SEC23IP: variants seen among roughly 807,000 people sequenced by gnomAD.
SEC23IP encodes the protein SEC23-interacting protein.
In SEC23IP, 70 loss-of-function variants were observed where a neutral mutation model predicts 113.4. The observed-to-expected ratio is 0.62, with a 90% CI of 0.51 to 0.75. The LOEUF (loss-of-function observed/expected upper bound fraction) is 0.75. SEC23IP is among the 30% of genes least tolerant of loss of function. SEC23IP has a pLI of 0.00. For missense variants in SEC23IP, 1,160 were observed against 1,204.9 expected (o/e 0.96, Z 0.55); for synonymous variants, 398 against 421.0 (o/e 0.95, Z 0.67).
intron 13 of SEC23IP, among the ~76,000 whole-genome samples, chr10:119,927,725 T>C (rs538789846): frequency 6.6e-6 from 1 of 152,362 alleles, no homozygotes; most frequent in African/African-American, 2.4e-5. Flanking sequence ...AACATAAATG[T>C]TTTGTGAGGA....
chr10:119,929,668 C>T lies in SEC23IP; in HGVS notation c.2375C>T (p.Pro792Leu), dbSNP rs759344772. The change falls in exon 14 of 19, where the codon CCA (proline) becomes CTA (leucine). Residue 792 changes from proline (P) to leucine (L), a missense_variant. By Grantham distance (98) the Pro-to-Leu change is moderately conservative. Coordinates refer to ENST00000369075, the MANE Select transcript of SEC23IP (RefSeq NM_007190.4). Reference sequence around the variant, plus strand: ...GAGATATTCTTTGCCTTGGGGTCTCCAATTGCTATGTTTCTCACTATTCGA... The same window carrying T: ...GAGATATTCTTTGCCTTGGGGTCTCTAATTGCTATGTTTCTCACTATTCGA... ...EPEIFFALGSPIAMFLTIRGV... is the reference protein window; with the variant it reads ...EPEIFFALGSLIAMFLTIRGV... 1.2e-6 allele frequency: 2 copies of T among 1,606,828 alleles called. No homozygotes were observed. Among genetic ancestry groups the T allele is most frequent in the Non-Finnish European group, 1.7e-6 (2 of 1,173,408 alleles).
chr10:119,922,844 A>G (rs527442743), intron 12 of SEC23IP, among the ~76,000 whole-genome samples: 4 of 152,094 alleles, frequency 2.6e-5, no homozygotes, highest in Non-Finnish European at 4.4e-5. Context: ...CCTCACAACA[A>G]CCCTGTGAGT....
At chr10:119,937,165 G>A (rs557553022) in intron 18 of SEC23IP, among the ~76,000 whole-genome samples, 78 of 151,880 alleles carry the variant, frequency 5.1e-4, no homozygotes, top group African/African-American at 1.8e-3. Flanking sequence ...GTGAGCCACC[G>A]TGCCCGGCCA....
At chr10:119,934,490 C>T (rs536295445) in intron 18 of SEC23IP, among the ~76,000 whole-genome samples, 12 of 152,326 alleles carry the variant, frequency 7.9e-5, no homozygotes, top group Non-Finnish European at 1.5e-4. Flanking sequence ...GGTCAGCTGA[C>T]GTGCAGCTCA....
intron 6 of SEC23IP, 96 bp downstream of exon 6, chr10:119,912,260 G>T (rs182733316): frequency 3.1e-6 from 4 of 1,298,130 alleles, no homozygotes; most frequent in Admixed American, 4.3e-5. Flanking sequence ...TTATTAGAAT[G>T]CCCTGCCACA....
chr10:119,893,248 G>T (rs1415510316), intron 1 of SEC23IP, among the ~76,000 whole-genome samples: 2 of 152,156 alleles, frequency 1.3e-5, no homozygotes, highest in African/African-American at 4.8e-5. Context: ...GTGCTGGCAG[G>T]AAATGCAAAT....
chr10:119,923,394 A>G (rs1045849517), intron 12 of SEC23IP, among the ~76,000 whole-genome samples: 19 of 151,992 alleles, frequency 1.3e-4, no homozygotes, highest in African/African-American at 4.6e-4. Flanking sequence ...AATGGGACCA[A>G]AATTAGCGAT....
rs182399150 is a variant in SEC23IP, at chr10:119,910,651, A to G, written c.1192-1393A>G. On this transcript the variant is annotated intron_variant, in intron 5 of 18. Coordinates refer to ENST00000369075, the MANE Select transcript of SEC23IP (RefSeq NM_007190.4). ...AAAGCCTCCTATCTCTGCCTTCCTCATTTCTCCTCTCCATAGTAACCACTC... is the reference window on the plus strand; with the variant it reads ...AAAGCCTCCTATCTCTGCCTTCCTCGTTTCTCCTCTCCATAGTAACCACTC... Among the ~76,000 whole-genome samples the G allele has an allele frequency of 1.0e-3, 152 of 152,132 alleles. 2 individuals carry two copies. Among genetic ancestry groups the G allele is most frequent in the South Asian group, 2.9e-3 (14 of 4,814 alleles).
intron 13 of SEC23IP, 88 bp from the exon 14 acceptor site, chr10:119,929,519 C>T: frequency 8.8e-7 from 1 of 1,141,720 alleles, no homozygotes; most frequent in South Asian, 1.4e-5. Context: ...CAGGCATGAG[C>T]CACCACGCCC....
intron 18 of SEC23IP, among the ~76,000 whole-genome samples, chr10:119,935,859 C>T (rs761600555): frequency 2.6e-5 from 4 of 152,272 alleles, no homozygotes; most frequent in East Asian, 3.9e-4. Flanking sequence ...TTTGAGCAAG[C>T]GAGCCAGGTG....
intron 2 of SEC23IP, among the ~76,000 whole-genome samples, chr10:119,901,023 CT>C (rs34703745): frequency 1.5e-3 from 116 of 78,540 alleles, no homozygotes; most frequent in Middle Eastern, 9.3e-3. Context: ...TTTTCTTCTT[CT>C]TTTTTTTTTT....
chr10:119,924,328 C>T (rs959042905), intron 12 of SEC23IP, among the ~76,000 whole-genome samples: 1 of 152,162 alleles, frequency 6.6e-6, no homozygotes, highest in African/African-American at 2.4e-5. Context: ...CCCTCCCACC[C>T]AACTGTTTAA....
intron 18 of SEC23IP, among the ~76,000 whole-genome samples, chr10:119,939,106 C>G (rs979580633): frequency 6.6e-6 from 1 of 151,366 alleles, no homozygotes; most frequent in Non-Finnish European, 1.5e-5. Flanking sequence ...CTCAGGAGTT[C>G]GAGACCAGCT....
chr10:119,898,252 T>C (rs1854346701), intron 1 of SEC23IP, 175 bp from the exon 2 acceptor site: 1 of 1,193,976 alleles, frequency 8.4e-7, no homozygotes, highest in South Asian at 2.5e-5. Flanking sequence ...AGTTTTTCAT[T>C]TCTAAGAAGC....
chr10:119,940,435 C>T (rs1431156750), intron 18 of SEC23IP, among the ~76,000 whole-genome samples, 151 bp from the exon 19 acceptor site: 1 of 152,090 alleles, frequency 6.6e-6, no homozygotes, highest in Non-Finnish European at 1.5e-5. Flanking sequence ...GATCTGCCCA[C>T]CTCGGCCTCC....
chr10:119,897,221 T>TA (rs1353046283), intron 1 of SEC23IP, among the ~76,000 whole-genome samples: 2 of 152,058 alleles, frequency 1.3e-5, no homozygotes. Flanking sequence ...GCAGGGAAGA[T>TA]TAGGAGGAGG....
intron 4 of SEC23IP, among the ~76,000 whole-genome samples, chr10:119,904,994 C>T (rs972317732): frequency 5.9e-5 from 9 of 152,124 alleles, no homozygotes; most frequent in South Asian, 2.1e-4. Context: ...ACTAGCCAGG[C>T]GTGGTGGCAC....
intron 8 of SEC23IP, among the ~76,000 whole-genome samples, chr10:119,916,365 A>T (rs1397497484): frequency 6.6e-6 from 1 of 152,170 alleles, no homozygotes; most frequent in Non-Finnish European, 1.5e-5. Flanking sequence ...TGTAAAGGCC[A>T]CTCAGTACTA....
chr10:119,912,015 C>G, intron 5 of SEC23IP, 29 bp from the exon 6 acceptor site: 1 of 1,612,102 alleles, frequency 6.2e-7, no homozygotes, highest in Non-Finnish European at 8.5e-7. Context: ...TGTTAATGAG[C>G]TTTGTCATAA....
Sources: gnomAD v4.1 joint callset for allele counts (sites outside exome capture counted in the v4.1 genomes callset) on GRCh38, gnomAD v4.1.1 for gene constraint, MANE v1.5 for transcripts, NCBI Gene and HGNC (gene_info 2026-07-23, HGNC 2026-07-21) for gene names.